The following BNC2 variants were observed in gnomAD, a reference collection of about 807,000 sequenced individuals.
BNC2 encodes basonuclin zinc finger protein 2, also known as zinc finger protein basonuclin-2.
Under a neutral mutation model 76.3 loss-of-function variants are expected in BNC2, and 20 were observed. The observed-to-expected ratio is 0.26, with a 90% CI of 0.18 to 0.38. BNC2 has a LOEUF of 0.38. Among genes scored for constraint, BNC2 ranks in the 10% least tolerant of loss-of-function variants. BNC2 has a pLI of 1.00. For synonymous variants in BNC2, 582 were observed against 514.8 expected (o/e 1.13, Z -1.77); for missense variants, 1,382 against 1,399.8 (o/e 0.99, Z 0.20).
chr9:16,805,908 G>A (rs573608524), intron 1 of BNC2, among the ~76,000 whole-genome samples: 3 of 152,128 alleles, frequency 2.0e-5, no homozygotes, highest in African/African-American at 7.2e-5. Context: ...ATTGGTAACT[G>A]ATTACAAATT....
intron 1 of BNC2, among the ~76,000 whole-genome samples, chr9:16,859,162 C>A (rs1330071306): frequency 2.3e-5 from 3 of 131,146 alleles, no homozygotes; most frequent in African/African-American, 2.9e-5. Context: ...TCACCTCAAC[C>A]ATTTTTGAAT....
intron 4 of BNC2, among the ~76,000 whole-genome samples, chr9:16,556,049 C>G (rs924218237): frequency 1.3e-5 from 2 of 152,076 alleles, no homozygotes; most frequent in African/African-American, 4.8e-5. Context: ...CCTGTAATCC[C>G]AGCGCTGTGG....
At chr9:16,825,044 C>CTTTTTT (rs56055394) in intron 1 of BNC2, among the ~76,000 whole-genome samples, 1 of 148,874 alleles carries the variant, frequency 6.7e-6, no homozygotes. Flanking sequence ...TCTTACCCCT[C>CTTTTTT]TTTTTTTTTT....
At chr9:16,658,834 C>T (rs1005110834) in intron 3 of BNC2, among the ~76,000 whole-genome samples, 2 of 152,140 alleles carry the variant, frequency 1.3e-5, no homozygotes, top group Admixed American at 6.5e-5. Context: ...CCACACCCCC[C>T]ACCCAACTTT....
At chr9:16,447,601 T>C (rs192469783) in intron 5 of BNC2, among the ~76,000 whole-genome samples, 3 of 152,224 alleles carry the variant, frequency 2.0e-5, no homozygotes, top group African/African-American at 4.8e-5. Context: ...GTGCTGCTTG[T>C]CAGTGATGTG....
At chr9:16,616,837 A>C (rs117740672) in intron 3 of BNC2, among the ~76,000 whole-genome samples, 120 of 150,016 alleles carry the variant, frequency 8.0e-4, no homozygotes, top group African/African-American at 2.7e-3. Context: ...GGAAGGAAGG[A>C]AGTTCTACTG....
At chr9:16,568,502 T>C (rs1203529664) in intron 4 of BNC2, among the ~76,000 whole-genome samples, 1 of 152,136 alleles carries the variant, frequency 6.6e-6, no homozygotes, top group African/African-American at 2.4e-5. Flanking sequence ...TAATGATATG[T>C]CATTTCAATG....
chr9:16,450,060 T>C (rs1312310707), intron 5 of BNC2, among the ~76,000 whole-genome samples: 2 of 152,188 alleles, frequency 1.3e-5, no homozygotes, highest in South Asian at 2.1e-4. Context: ...ATCTTTGTAA[T>C]TGAGAACAGA....
chr9:16,660,014 T>C (rs557218115), intron 3 of BNC2, among the ~76,000 whole-genome samples: 1 of 152,362 alleles, frequency 6.6e-6, no homozygotes, highest in African/African-American at 2.4e-5. Context: ...AATTATTCCC[T>C]GCAAAATATT....
intron 1 of BNC2, among the ~76,000 whole-genome samples, chr9:16,837,098 G>T (rs1423193094): frequency 6.6e-6 from 1 of 152,164 alleles, no homozygotes; most frequent in Non-Finnish European, 1.5e-5. Flanking sequence ...GCATAGAGAA[G>T]TAACAAAACA....
At chr9:16,688,064 A>G (rs966856041) in intron 3 of BNC2, among the ~76,000 whole-genome samples, 1 of 152,134 alleles carries the variant, frequency 6.6e-6, no homozygotes, top group Non-Finnish European at 1.5e-5. Context: ...TTGAAAGTTG[A>G]CTCCCATATT....
intron 2 of BNC2, among the ~76,000 whole-genome samples, chr9:16,735,718 T>A (rs1824647203): frequency 6.6e-6 from 1 of 151,804 alleles, no homozygotes; most frequent in Admixed American, 6.6e-5. Context: ...CAGGCCAGGC[T>A]GGTCTTGAAC....
intron 1 of BNC2, chr9:16,868,114 C>T (rs140699172): frequency 4.6e-5 from 7 of 152,276 alleles, no homozygotes; most frequent in Non-Finnish European, 1.0e-4. Context: ...AAAGACGACA[C>T]AGCATTGACT....
intron 1 of BNC2, among the ~76,000 whole-genome samples, chr9:16,818,265 GAGT>G (rs1818230899): frequency 2.0e-5 from 3 of 152,054 alleles, no homozygotes; most frequent in African/African-American, 7.2e-5. Context: ...TTAGCCGGGC[GAGT>G]TGGCGGGCGC....
At chr9:16,572,139 C>A (rs10962493) in intron 4 of BNC2, among the ~76,000 whole-genome samples, 28,544 of 151,852 alleles carry the variant, frequency 0.19, 5,174 homozygotes, top group African/African-American at 0.47. Flanking sequence ...ACTGGAAAGC[C>A]GAAGGTATTT....
chr9:16,650,632 T>G (rs1385564639), intron 3 of BNC2, among the ~76,000 whole-genome samples: 1 of 152,178 alleles, frequency 6.6e-6, no homozygotes, highest in Non-Finnish European at 1.5e-5. Flanking sequence ...AAAGTCTGAC[T>G]TCTATAAATA....
chr9:16,688,258 G>A (rs1357031908), intron 3 of BNC2, among the ~76,000 whole-genome samples: 2 of 152,100 alleles, frequency 1.3e-5, no homozygotes, highest in African/African-American at 4.8e-5. Flanking sequence ...AATGTACTAA[G>A]GAAGATACAA....
At chr9:16,773,089 G>T (rs1825871512) in intron 1 of BNC2, among the ~76,000 whole-genome samples, 1 of 152,136 alleles carries the variant, frequency 6.6e-6, no homozygotes, top group Non-Finnish European at 1.5e-5. Flanking sequence ...TATTAGACAT[G>T]CCGCATTGAC....
chr9:16,713,199 A>G (rs931110547), intron 3 of BNC2, among the ~76,000 whole-genome samples: 8 of 152,136 alleles, frequency 5.3e-5, no homozygotes, highest in African/African-American at 1.9e-4. Flanking sequence ...CCAAATGGAA[A>G]TGGGTAAAAT....
Sources: gnomAD v4.1 joint callset for allele counts (sites outside exome capture counted in the v4.1 genomes callset) on GRCh38, gnomAD v4.1.1 for gene constraint, MANE v1.5 for transcripts, NCBI Gene and HGNC (gene_info 2026-07-23, HGNC 2026-07-21) for gene names.